The following NCAPD3 variants were observed in gnomAD, a reference collection of about 807,000 sequenced individuals.
NCAPD3 encodes the protein condensin-2 complex subunit D3.
A neutral mutation model predicts 182.9 loss-of-function variants in NCAPD3; 105 were observed. That is an observed-to-expected ratio of 0.57 (90% confidence interval 0.49 to 0.68). The LOEUF (loss-of-function observed/expected upper bound fraction) is 0.68, where lower values mean the gene tolerates loss of function less well. Ranked by LOEUF, NCAPD3 falls within the 30% of genes least tolerant of loss-of-function variation. The pLI is 0.00. For synonymous variants in NCAPD3, 815 were observed against 679.9 expected (o/e 1.20, Z -3.09); for missense variants, 1,944 against 1,837.0 (o/e 1.06, Z -1.07).
chr11:134,225,092 C>T (rs1938416391), upstream of NCAPD3: 1 of 1,572,228 alleles, frequency 6.4e-7, no homozygotes, highest in South Asian at 1.1e-5. Flanking sequence ...GGGAGCGGTC[C>T]TTACCGAGAC....
intron 27 of NCAPD3, among the ~76,000 whole-genome samples, chr11:134,165,795 G>A (rs1417177594): frequency 4.9e-5 from 7 of 141,622 alleles, no homozygotes; most frequent in African/African-American, 8.0e-5. Context: ...GGAGCTTAGG[G>A]GAGATGCACA....
At chr11:134,216,455 A>C (rs932691911) in intron 3 of NCAPD3, among the ~76,000 whole-genome samples, 2 of 152,224 alleles carry the variant, frequency 1.3e-5, no homozygotes, top group East Asian at 3.8e-4. Flanking sequence ...CAAGTAAAAC[A>C]GTGCTCGAAA....
At chr11:134,223,156 G>A (rs1414731613) in intron 1 of NCAPD3, 5 of 495,956 alleles carry the variant, frequency 1.0e-5, no homozygotes, top group Non-Finnish European at 1.8e-5. Flanking sequence ...CATTAAAGGT[G>A]TACAGGCTTG....
At chr11:134,164,319 T>A (rs954611475) in intron 27 of NCAPD3, among the ~76,000 whole-genome samples, 1 of 152,218 alleles carries the variant, frequency 6.6e-6, no homozygotes, top group Non-Finnish European at 1.5e-5. Context: ...AAGAGATGAC[T>A]GAGGGAGTTT....
chr11:134,155,827 T>C (rs1361025765), intron 32 of NCAPD3, among the ~76,000 whole-genome samples: 1 of 146,040 alleles, frequency 6.8e-6, no homozygotes, highest in East Asian at 2.0e-4. Context: ...CTGCCTTTAA[T>C]GACAAATGCC....
intron 3 of NCAPD3, among the ~76,000 whole-genome samples, chr11:134,212,302 T>C (rs1937861872): frequency 6.6e-6 from 1 of 152,016 alleles, no homozygotes; most frequent in Admixed American, 6.6e-5. Flanking sequence ...ATTAATGAAA[T>C]GTAGGCTTTA....
chr11:134,204,078 C>A lies in NCAPD3; in HGVS notation c.1183G>T (p.Ala395Ser), dbSNP rs1944803209. The change falls in exon 10 of 35, where the codon GCC becomes TCC. Residue 395 changes from alanine to serine, a missense_variant. Ala to Ser is a moderately conservative substitution (Grantham distance 99). Transcript: ENST00000534548. The surrounding 1 kb of genome is among the most constrained non-coding windows in gnomAD (Gnocchi z 4.3). ...LPCGEYAMFIAWLYKYSRSSK... is the reference protein window; with the variant it reads ...LPCGEYAMFISWLYKYSRSSK... ...CTTCGGGAGTATTTGTAAAGCCAGG[C>A]AATGAACATAGCGTATTCCCCACAA... 7.4e-6 allele frequency: 12 copies of A among 1,614,140 alleles called. No individual in the cohort carries two copies. The highest frequency in any genetic ancestry group is 1.7e-4 in the Middle Eastern group (1 of 6,060).
At chr11:134,212,114 G>C (rs760705249) in intron 3 of NCAPD3, among the ~76,000 whole-genome samples, 1 of 152,080 alleles carries the variant, frequency 6.6e-6, no homozygotes, top group Non-Finnish European at 1.5e-5. Context: ...ATTCTTGAAG[G>C]TGAAATAAAG....
chr11:134,153,232 T>C, intron 33 of NCAPD3, 32 bp from the exon 34 acceptor site: 2 of 1,613,922 alleles, frequency 1.2e-6, no homozygotes, highest in South Asian at 1.1e-5. Flanking sequence ...ACATTCAGCT[T>C]TCCCAGAACC....
chr11:134,153,131 T>C lies in NCAPD3; in HGVS notation c.4388+9A>G, dbSNP rs376450782. On this transcript the variant is annotated intron_variant, in intron 34 of 34. Transcript: ENST00000534548. ...ACATCCACCTCAAAAGGAACACTGC[T>C]AAACTTACGGTTTATCAGGCAGTGA... 7.4e-6 allele frequency: 12 copies of C among 1,613,874 alleles called. No individual in the cohort carries two copies. The African/African-American group carries it at 1.2e-4, about 16-fold the overall frequency.
chr11:134,215,619 G>A (rs1937986087), intron 3 of NCAPD3, among the ~76,000 whole-genome samples: 1 of 152,090 alleles, frequency 6.6e-6, no homozygotes, highest in African/African-American at 2.4e-5. Flanking sequence ...AAAAATTATA[G>A]AGCATTATTG....
At chr11:134,187,574 T>G (rs1405996019) in intron 16 of NCAPD3, among the ~76,000 whole-genome samples, 3 of 152,206 alleles carry the variant, frequency 2.0e-5, no homozygotes, top group African/African-American at 7.2e-5. Flanking sequence ...ATTTCCTTTC[T>G]GGTAACCCTT....
intron 1 of NCAPD3, chr11:134,223,145 A>G (rs984402417): frequency 7.1e-6 from 3 of 424,426 alleles, no homozygotes; most frequent in Admixed American, 3.9e-5. Flanking sequence ...CAAAGGGGAA[A>G]CATTAAAGGT....
At position 134,161,909 on chromosome 11, in the gene NCAPD3, G is replaced by C. The variant is rs1298048268; in HGVS notation, c.3574-18C>G. 4.4e-6 allele frequency: 6 copies of C among 1,359,556 alleles called. No individual in the cohort carries two copies. The highest frequency in any genetic ancestry group is 1.8e-4 in the Middle Eastern group (1 of 5,472). The allele number at this position is 1,359,556 out of a possible 1,614,324, so 84.2% of individuals were successfully genotyped here. On this transcript the variant is annotated intron_variant, in intron 27 of 34. Transcript: ENST00000534548. ...TTCTGAACCTGGTAACACAAACAAAGACATGTTTTAGATGTATGAACTTCT... is the reference window on the plus strand; with the variant it reads ...TTCTGAACCTGGTAACACAAACAAACACATGTTTTAGATGTATGAACTTCT...
chr11:134,165,408 TGAG>T (rs1175098035), intron 27 of NCAPD3, among the ~76,000 whole-genome samples: 5 of 146,748 alleles, frequency 3.4e-5, no homozygotes, highest in Non-Finnish European at 6.0e-5. Context: ...ACTTCTGAGA[TGAG>T]CTTAGGGGAA....
At chr11:134,156,081 G>A (rs1385826676) in intron 32 of NCAPD3, among the ~76,000 whole-genome samples, 3 of 152,186 alleles carry the variant, frequency 2.0e-5, no homozygotes, top group Non-Finnish European at 2.9e-5. Flanking sequence ...ACCTTAGCAC[G>A]CTCTCATCTT....
chr11:134,153,676 G>C (rs1943330779), intron 32 of NCAPD3: 2 of 428,134 alleles, frequency 4.7e-6, no homozygotes, highest in South Asian at 4.7e-5. Flanking sequence ...TGACCGCCCT[G>C]TCCCACTTAC....
At chr11:134,158,152 C>G in intron 30 of NCAPD3, 85 bp from the exon 31 acceptor site, 1 of 1,544,720 alleles carries the variant, frequency 6.5e-7, no homozygotes, top group Non-Finnish European at 8.8e-7. Flanking sequence ...CCGCGTGCCT[C>G]CTCACCGGCG....
At chr11:134,224,753 CA>C (rs893437719), upstream of NCAPD3, 6 of 152,338 alleles carry the variant, frequency 3.9e-5, no homozygotes, top group African/African-American at 1.4e-4. Flanking sequence ...CCCCACCCGG[CA>C]GGCGCAGGCC....
Sources: allele counts gnomAD v4.1 joint callset (sites outside exome capture counted in the v4.1 genomes callset), GRCh38; gene constraint gnomAD v4.1.1; non-coding constraint Gnocchi (gnomAD v3.1); transcripts MANE v1.5; gene names NCBI Gene and HGNC (gene_info 2026-07-23, HGNC 2026-07-21).